The following PPP1R9A variants were observed in gnomAD, a reference collection of about 807,000 sequenced individuals.
PPP1R9A encodes the protein neurabin-1.
A neutral mutation model predicts 141.9 loss-of-function variants in PPP1R9A; 59 were observed. The observed-to-expected ratio is 0.42, with a 90% confidence interval of 0.34 to 0.52. The LOEUF is 0.52. Among genes scored for constraint, PPP1R9A ranks in the 20% least tolerant of loss-of-function variants. PPP1R9A has a pLI of 0.10. For synonymous variants in PPP1R9A, 500 were observed against 569.7 expected (o/e 0.88, Z 1.74); for missense variants, 1,444 against 1,611.9 (o/e 0.90, Z 1.78).
intron 12 of PPP1R9A, among the ~76,000 whole-genome samples, chr7:95,265,548 C>G (rs149537908): frequency 8.9e-4 from 136 of 152,238 alleles, no homozygotes; most frequent in African/African-American, 3.2e-3. Flanking sequence ...ATTTTCCTTC[C>G]GTGTACACAC....
At chr7:95,127,365 T>G (rs561398950) in intron 4 of PPP1R9A, among the ~76,000 whole-genome samples, 16 of 152,298 alleles carry the variant, frequency 1.1e-4, no homozygotes, top group African/African-American at 2.9e-4. Flanking sequence ...GAATCAGTAT[T>G]TTAGTCATAG....
intron 7 of PPP1R9A, chr7:95,214,427 C>T (rs1425632194): frequency 1.3e-5 from 2 of 152,186 alleles, no homozygotes; most frequent in Non-Finnish European, 2.9e-5. Flanking sequence ...GGGATGTGGG[C>T]CTCTCCCTGC....
intron 6 of PPP1R9A, chr7:95,202,606 A>G (rs934155985): frequency 7.7e-6 from 7 of 912,848 alleles, no homozygotes; most frequent in African/African-American, 5.4e-5. Context: ...CTCTCAGACA[A>G]TCAGCACTAT....
At chr7:94,993,437 C>G (rs1801767908) in intron 2 of PPP1R9A, among the ~76,000 whole-genome samples, 1 of 152,090 alleles carries the variant, frequency 6.6e-6, no homozygotes, top group South Asian at 2.1e-4. Context: ...TACAAAAGAG[C>G]CTGCTGGTAT....
chr7:95,174,612 T>C (rs764332084), intron 5 of PPP1R9A, among the ~76,000 whole-genome samples: 2 of 152,146 alleles, frequency 1.3e-5, no homozygotes, highest in Non-Finnish European at 2.9e-5. Flanking sequence ...ATAGTGATAG[T>C]GATGTGAAAA....
chr7:94,981,352 G>T (rs958936795), intron 2 of PPP1R9A, among the ~76,000 whole-genome samples: 1 of 152,102 alleles, frequency 6.6e-6, no homozygotes, highest in African/African-American at 2.4e-5. Flanking sequence ...CAATTCTCCT[G>T]CCTCAGCCTC....
Position 94,952,964 on chromosome 7 carries a change from G to A in PPP1R9A, c.1395+41456G>A, listed in dbSNP as rs556714028. Among the ~76,000 whole-genome samples the A allele has an allele frequency of 7.4e-3, 1,119 of 152,108 alleles. 17 individuals carry two copies. Among genetic ancestry groups the A allele is most frequent in the African/African-American group, 0.025 (1,043 of 41,520 alleles). On this transcript the variant is annotated intron_variant, in intron 2 of 19. Transcript: ENST00000433360. ...TGTGCAGAAGCTCTTTAGTTTAACTGGAGCCCATTTGTCAATTTTGGCTTT... is the reference window on the plus strand; with the variant it reads ...TGTGCAGAAGCTCTTTAGTTTAACTAGAGCCCATTTGTCAATTTTGGCTTT...
At chr7:95,080,879 T>G (rs1036575013) in intron 2 of PPP1R9A, among the ~76,000 whole-genome samples, 2 of 152,158 alleles carry the variant, frequency 1.3e-5, no homozygotes, top group South Asian at 2.1e-4. Context: ...CAGCAGAGAT[T>G]TATATGAGAT....
In PPP1R9A at chr7:95,260,505, C is replaced by G. The variant is rs188875898; in HGVS notation, c.2666-8045C>G. 2.7e-3 allele frequency among the ~76,000 whole-genome samples: 406 copies of G among 152,100 alleles called. 1 individual carries two copies. The highest frequency in any genetic ancestry group is 3.8e-3 in the Non-Finnish European group (257 of 67,992). ...ACCAGCCTGGCCAACATGGGGAAAC[C>G]CTGTCTCTACTAAAAATACAAAAAT... is the stretch of plus-strand genomic sequence containing the variant. On this transcript the variant is annotated intron_variant, in intron 12 of 19. Coordinates refer to ENST00000433360, the MANE Select transcript of PPP1R9A (RefSeq NM_001166160.2).
chr7:95,072,110 A>G (rs1027064138), intron 2 of PPP1R9A, among the ~76,000 whole-genome samples: 2 of 151,072 alleles, frequency 1.3e-5, no homozygotes, highest in African/African-American at 4.8e-5. Context: ...AGAAATATGT[A>G]TATTCATGTT....
chr7:95,100,913 C>T (rs943412913), intron 2 of PPP1R9A, among the ~76,000 whole-genome samples: 3 of 124,518 alleles, frequency 2.4e-5, no homozygotes, highest in East Asian at 2.4e-4. Flanking sequence ...AGTGCAGTGG[C>T]GGGATCTCGG....
At chr7:95,048,487 G>A (rs552513100) in intron 2 of PPP1R9A, among the ~76,000 whole-genome samples, 2 of 151,978 alleles carry the variant, frequency 1.3e-5, no homozygotes, top group Admixed American at 6.6e-5. Context: ...AGAAATTAAC[G>A]TATATACTGG....
chr7:95,028,779 C>A (rs773444810), intron 2 of PPP1R9A, among the ~76,000 whole-genome samples: 2 of 152,144 alleles, frequency 1.3e-5, no homozygotes, highest in African/African-American at 4.8e-5. Context: ...TCCCTGGTGA[C>A]AGAAATTAAA....
At chr7:95,192,637 CT>C (rs1261053421) in intron 5 of PPP1R9A, among the ~76,000 whole-genome samples, 1 of 151,972 alleles carries the variant, frequency 6.6e-6, no homozygotes, top group Non-Finnish European at 1.5e-5. Flanking sequence ...CATTTTACAA[CT>C]GTGGAAACAA....
intron 2 of PPP1R9A, among the ~76,000 whole-genome samples, chr7:95,080,236 C>G (rs1449172806): frequency 6.6e-6 from 1 of 152,192 alleles, no homozygotes; most frequent in Non-Finnish European, 1.5e-5. Context: ...GCAACTTCAG[C>G]AAAGTCTCAG....
intron 5 of PPP1R9A, among the ~76,000 whole-genome samples, chr7:95,163,272 G>A (rs1255950554): frequency 6.6e-6 from 1 of 152,022 alleles, no homozygotes; most frequent in African/African-American, 2.4e-5. Flanking sequence ...ATTATTTTCA[G>A]CCTTGTACAA....
intron 2 of PPP1R9A, among the ~76,000 whole-genome samples, chr7:94,952,786 A>G (rs557985191): frequency 1.1e-4 from 16 of 151,204 alleles, no homozygotes; most frequent in African/African-American, 3.6e-4. Flanking sequence ...TCCTTCACCT[A>G]CTTTTTGATG....
At position 95,203,705 on chromosome 7, in the gene PPP1R9A, AT is replaced by A. The variant is rs1394146056; in HGVS notation, c.1932del (p.Asn644LysfsTer22). The A allele has an allele frequency of 6.5e-7, 1 of 1,536,416 alleles. No homozygotes were observed. Among genetic ancestry groups the A allele is most frequent in the Non-Finnish European group, 8.7e-7 (1 of 1,146,372 alleles). ...TTGCAAGGAATGTCTGGCAACTGCA[AT>A]AACAATAACAACTATTTTCTTAAGG... ...AELQGMSGNCNNNNNYFLKTG... is the reference protein window; with the variant it reads ...AELQGMSGNCXNNNNYFLKTG... On this transcript the variant is annotated frameshift_variant, in exon 7 of 20. Coordinates refer to ENST00000433360, the MANE Select transcript of PPP1R9A (RefSeq NM_001166160.2). LOFTEE classifies it high-confidence loss of function.
chr7:95,194,441 A>G (rs139188482), intron 5 of PPP1R9A, among the ~76,000 whole-genome samples: 6 of 152,176 alleles, frequency 3.9e-5, no homozygotes, highest in African/African-American at 1.4e-4. Flanking sequence ...TCTTTTTAAT[A>G]TATGTTGGAA....
Sources: allele counts gnomAD v4.1 joint callset (sites outside exome capture counted in the v4.1 genomes callset), GRCh38; gene constraint gnomAD v4.1.1; transcripts MANE v1.5; gene names NCBI Gene and HGNC (gene_info 2026-07-23, HGNC 2026-07-21).